Variants in AKT3 observed in about 807,000 individuals in gnomAD.
AKT3 encodes AKT serine/threonine kinase 3.
In AKT3, 15 loss-of-function variants were observed where a neutral mutation model predicts 65.3. That is an observed-to-expected ratio of 0.23 (90% CI 0.15 to 0.35). The LOEUF is 0.35. Among genes scored for constraint, AKT3 ranks in the 10% least tolerant of loss-of-function variants. The pLI, the probability that AKT3 is intolerant of heterozygous loss-of-function variation, is 1.00. For synonymous variants in AKT3, 206 were observed against 183.8 expected (o/e 1.12, Z -0.98); for missense variants, 243 against 576.5 (o/e 0.42, Z 5.92).
chr1:243,796,262 A>G lies in AKT3; in HGVS notation c.46+46863T>C, dbSNP rs184698035. 7.2e-5 allele frequency among the ~76,000 whole-genome samples: 11 copies of G among 152,344 alleles called. No individual in the cohort carries two copies. In the East Asian group the frequency reaches 1.5e-3, roughly 21 times the overall value. On this transcript the variant is annotated intron_variant, in intron 2 of 13. Transcript: ENST00000673466. ...GAAATAAGAAGAGATGTACAGGTGTAGCCAATCTGTCACTTTTGGTCAGAA... is the reference window on the plus strand; with the variant it reads ...GAAATAAGAAGAGATGTACAGGTGTGGCCAATCTGTCACTTTTGGTCAGAA...
intron 2 of AKT3, among the ~76,000 whole-genome samples, chr1:243,757,766 C>CTTT (rs34770465): frequency 0.22 from 32,426 of 147,446 alleles, 3,753 homozygotes; most frequent in East Asian, 0.33. Context: ...CTAATTAATA[C>CTTT]TTTTTTTTTT....
At position 243,714,659 on chromosome 1, in the gene AKT3, G is replaced by A. The variant is rs191638053; in HGVS notation, c.47-18943C>T. On this transcript the variant is annotated intron_variant, in intron 2 of 13. Transcript: ENST00000673466. ...TTATTAAATAGTTATTAAGTACTCT[G>A]TGCCAAGCACCTATCTGGCACGGGG... Among the ~76,000 whole-genome samples the A allele has an allele frequency of 3.3e-5, 5 of 152,258 alleles. No homozygotes were observed. The East Asian group carries it at 7.7e-4, about 23-fold the overall frequency.
rs1289022360 is a variant in AKT3 at position 243,619,482 on chromosome 1, A to T, written c.562-4321T>A. On this transcript the variant is annotated intron_variant, in intron 6 of 13. Coordinates refer to ENST00000673466, the MANE Select transcript of AKT3 (RefSeq NM_005465.7). ...TACAACTGTACTTCTGTACCTATTA[A>T]TCAACTCCATCTCCCCATCCCCCTA... is the stretch of plus-strand genomic sequence containing the variant. Among the ~76,000 whole-genome samples, 4 of 40,782 alleles carry T rather than the reference A, an allele frequency of 9.8e-5. 2 individuals are homozygous for T. The highest frequency in any genetic ancestry group is 5.7e-4 in the Non-Finnish European group (4 of 7,018). The allele number at this position is 40,782 out of a possible 152,430, so 26.8% of individuals were successfully genotyped here. A position where few individuals can be genotyped will look rare whatever the true frequency, so the allele number is the denominator to read the frequency against.
intron 2 of AKT3, among the ~76,000 whole-genome samples, chr1:243,711,649 A>G (rs963533955): frequency 6.6e-6 from 1 of 152,220 alleles, no homozygotes; most frequent in Non-Finnish European, 1.5e-5. Flanking sequence ...TAAAAATACT[A>G]ACAGCTACTA....
chr1:243,809,798 G>A (rs1282634979), intron 2 of AKT3, among the ~76,000 whole-genome samples: 1 of 152,136 alleles, frequency 6.6e-6, no homozygotes, highest in Non-Finnish European at 1.5e-5. Flanking sequence ...GCACTCCTCA[G>A]CAAATGTAAA....
At chr1:243,608,451 G>A (rs75912989) in intron 8 of AKT3, among the ~76,000 whole-genome samples, 4 of 152,122 alleles carry the variant, frequency 2.6e-5, no homozygotes, top group Non-Finnish European at 4.4e-5. Context: ...TTATTTCAGC[G>A]AGGCCACTAA....
Position 243,583,164 on chromosome 1 carries a change from G to GTATATA in AKT3, c.697-10117_697-10116insTATATA, listed in dbSNP as rs1383107055. Among the ~76,000 whole-genome samples the GTATATA allele has an allele frequency of 4.6e-3, 346 of 74,656 alleles. 3 individuals carry two copies. Among genetic ancestry groups the GTATATA allele is most frequent in the African/African-American group, 0.014 (336 of 23,186 alleles). The allele number at this position is 74,656 out of a possible 152,430, so 49.0% of individuals were successfully genotyped here. A position where few individuals can be genotyped will look rare whatever the true frequency, so the allele number is the denominator to read the frequency against. ...ATATATCTCTCTCTTCCATGTATAT[G>GTATATA]TGTGTGTATATATATATATATATAT... is the stretch of plus-strand genomic sequence containing the variant. On this transcript the variant is annotated intron_variant, in intron 8 of 13. Transcript: ENST00000673466.
At chr1:243,592,486 T>C (rs1676307011) in intron 8 of AKT3, among the ~76,000 whole-genome samples, 2 of 151,270 alleles carry the variant, frequency 1.3e-5, no homozygotes, top group South Asian at 4.2e-4. Context: ...AAAAGACACA[T>C]GAAGCACAGA....
At chr1:243,581,842 A>C (rs979288167) in intron 8 of AKT3, among the ~76,000 whole-genome samples, 1 of 152,020 alleles carries the variant, frequency 6.6e-6, no homozygotes. Flanking sequence ...ACAAAAAAAA[A>C]CTTCTAAAGT....
intron 2 of AKT3, among the ~76,000 whole-genome samples, chr1:243,842,065 T>C (rs1275120784): frequency 6.6e-6 from 1 of 152,184 alleles, no homozygotes; most frequent in Non-Finnish European, 1.5e-5. Context: ...AAATAACCAC[T>C]ATATCGTTTT....
chr1:243,618,887 AGG>A (rs1678536242), intron 6 of AKT3, among the ~76,000 whole-genome samples: 1 of 40,642 alleles, frequency 2.5e-5, no homozygotes, highest in Admixed American at 4.0e-4. Flanking sequence ...GGCAAACAAG[AGG>A]AGAAAAAGAA....
chr1:243,547,861 G>A (rs901383), intron 11 of AKT3, among the ~76,000 whole-genome samples: 145,461 of 152,216 alleles, frequency 0.96, 69,864 homozygotes, highest in East Asian at 1. Context: ...GATCCTTATA[G>A]AATTCTCTAA....
chr1:243,572,781 A>G (rs1674660015), intron 9 of AKT3, 145 bp downstream of exon 9: 5 of 881,992 alleles, frequency 5.7e-6, no homozygotes, highest in Middle Eastern at 3.7e-4. Flanking sequence ...TTTCCTTCAA[A>G]TGTAGTGAAC....
chr1:243,825,684 T>C (rs569326830), intron 2 of AKT3, among the ~76,000 whole-genome samples: 1 of 152,206 alleles, frequency 6.6e-6, no homozygotes, highest in East Asian at 1.9e-4. Flanking sequence ...CCTTATATAA[T>C]TGACTTGTTA....
At chr1:243,714,027 T>C (rs1686334932) in intron 2 of AKT3, among the ~76,000 whole-genome samples, 2 of 152,152 alleles carry the variant, frequency 1.3e-5, no homozygotes, top group Admixed American at 1.3e-4. Flanking sequence ...AGATAAATCA[T>C]GTTGGGTTTT....
intron 2 of AKT3, among the ~76,000 whole-genome samples, chr1:243,805,650 C>T (rs1002038917): frequency 2.0e-5 from 3 of 152,148 alleles, no homozygotes; most frequent in Non-Finnish European, 2.9e-5. Flanking sequence ...TCCTCATGCA[C>T]ACCGCTGTAT....
intron 2 of AKT3, among the ~76,000 whole-genome samples, chr1:243,776,150 G>A (rs1275977951): frequency 1.3e-5 from 2 of 152,132 alleles, no homozygotes; most frequent in African/African-American, 4.8e-5. Flanking sequence ...CATCAATGAA[G>A]AGCAAAATCA....
At chr1:243,773,192 C>CAT (rs1245041132) in intron 2 of AKT3, among the ~76,000 whole-genome samples, 2 of 145,692 alleles carry the variant, frequency 1.4e-5, no homozygotes, top group African/African-American at 2.5e-5. Flanking sequence ...ATAATAAAAA[C>CAT]ATATATATAT....
At chr1:243,789,275 A>G (rs1359210948) in intron 2 of AKT3, among the ~76,000 whole-genome samples, 1 of 152,196 alleles carries the variant, frequency 6.6e-6, no homozygotes, top group Non-Finnish European at 1.5e-5. Flanking sequence ...GGTCCTAGCT[A>G]CTTAGAAGGC....
Sources: allele counts gnomAD v4.1 joint callset (sites outside exome capture counted in the v4.1 genomes callset), GRCh38; gene constraint gnomAD v4.1.1; transcripts MANE v1.5; gene names NCBI Gene and HGNC (gene_info 2026-07-23, HGNC 2026-07-21).